Variants in VTI1A observed in about 807,000 individuals in gnomAD.
The protein encoded by VTI1A is vesicle transport through interaction with t-SNAREs homolog 1A.
A neutral mutation model predicts 34.9 loss-of-function variants in VTI1A; 22 were observed. The ratio of observed to expected loss-of-function variants is 0.63; its 90% CI spans 0.45 to 0.90. The LOEUF (loss-of-function observed/expected upper bound fraction) is 0.90. VTI1A is among the 40% of genes least tolerant of loss of function. The probability of loss-of-function intolerance (pLI) is 0.00; values close to 1 mark genes in which losing one functional copy is unlikely to be tolerated. For synonymous variants in VTI1A, 87 were observed against 97.3 expected, an observed-to-expected ratio of 0.89 and a Z score of 0.62; for missense variants, 268 against 275.6, an observed-to-expected ratio of 0.97 and a Z score of 0.20.
chr10:112,611,082 GA>G (rs1845291286), intron 5 of VTI1A, among the ~76,000 whole-genome samples: 1 of 152,194 alleles, frequency 6.6e-6, no homozygotes, highest in Non-Finnish European at 1.5e-5. Flanking sequence ...AAGAAACTTA[GA>G]GCTACTTTTA....
At chr10:112,576,328 C>T (rs1843711218) in intron 5 of VTI1A, among the ~76,000 whole-genome samples, 1 of 152,176 alleles carries the variant, frequency 6.6e-6, no homozygotes, top group Non-Finnish European at 1.5e-5. Flanking sequence ...CCCCCTGCCT[C>T]TTCTAAAAGG....
intron 3 of VTI1A, among the ~76,000 whole-genome samples, chr10:112,478,047 G>A (rs1848335872): frequency 6.6e-6 from 1 of 152,156 alleles, no homozygotes; most frequent in South Asian, 2.1e-4. Flanking sequence ...TTGAATGAAT[G>A]TGGTTCAGTG....
intron 3 of VTI1A, among the ~76,000 whole-genome samples, chr10:112,518,256 A>G (rs1433975793): frequency 1.3e-5 from 2 of 151,966 alleles, no homozygotes; most frequent in Non-Finnish European, 2.9e-5. Context: ...TTTTTCGTGA[A>G]CAATCAGACC....
intron 5 of VTI1A, among the ~76,000 whole-genome samples, chr10:112,648,794 T>G (rs539355377): frequency 6.6e-6 from 1 of 152,292 alleles, no homozygotes; most frequent in Non-Finnish European, 1.5e-5. Flanking sequence ...AGACAGAAGT[T>G]TCATAGGAGA....
At chr10:112,677,047 T>C (rs1186036888) in intron 7 of VTI1A, among the ~76,000 whole-genome samples, 2 of 152,188 alleles carry the variant, frequency 1.3e-5, no homozygotes, top group African/African-American at 4.8e-5. Context: ...CGTGGAATCT[T>C]ACTGATTTGG....
intron 7 of VTI1A, among the ~76,000 whole-genome samples, chr10:112,679,492 C>T (rs953998432): frequency 6.6e-6 from 1 of 151,552 alleles, no homozygotes; most frequent in Admixed American, 6.6e-5. Flanking sequence ...GGAGGTGTCA[C>T]GATTTTTTTT....
chr10:112,588,577 T>A (rs1407026687), intron 5 of VTI1A, among the ~76,000 whole-genome samples: 1 of 152,130 alleles, frequency 6.6e-6, no homozygotes, highest in Non-Finnish European at 1.5e-5. Flanking sequence ...TCTTACAAAG[T>A]GAGAGCAAAA....
At chr10:112,658,992 A>G (rs77789673) in intron 5 of VTI1A, among the ~76,000 whole-genome samples, 9,135 of 152,296 alleles carry the variant, frequency 0.06, 922 homozygotes, top group African/African-American at 0.21. Flanking sequence ...TTAAAATGCT[A>G]TACATTTAGT....
At chr10:112,692,316 A>G (rs1021911225) in intron 7 of VTI1A, among the ~76,000 whole-genome samples, 3 of 152,204 alleles carry the variant, frequency 2.0e-5, no homozygotes, top group Non-Finnish European at 4.4e-5. Context: ...GTCCTAGTAA[A>G]TGTACTTGTT....
chr10:112,799,426 G>C (rs1400542592), intron 7 of VTI1A, among the ~76,000 whole-genome samples: 2 of 152,130 alleles, frequency 1.3e-5, no homozygotes, highest in Non-Finnish European at 2.9e-5. Context: ...ACCATTTCTG[G>C]CTTATCTTGG....
At chr10:112,830,596 A>G in the VTI1A span, among the ~76,000 whole-genome samples, 1 of 150,694 alleles carries the variant, frequency 6.6e-6, no homozygotes, top group Non-Finnish European at 1.5e-5. Flanking sequence ...TTTCGTGTCC[A>G]TCATCCACGT....
chr10:112,827,366 A>G, the VTI1A span: 3 of 148,828 alleles, frequency 2.0e-5, no homozygotes, highest in East Asian at 2.0e-4. Context: ...CTCGGTGGGG[A>G]TGGGAGAAGT....
chr10:112,618,365 T>TCAA, intron 5 of VTI1A, among the ~76,000 whole-genome samples: 1 of 150,540 alleles, frequency 6.6e-6, no homozygotes, highest in East Asian at 2.0e-4. Flanking sequence ...CCCTACCTCA[T>TCAA]CAACATCATC....
At chr10:112,722,153 C>G (rs1003275180) in intron 7 of VTI1A, among the ~76,000 whole-genome samples, 2 of 152,150 alleles carry the variant, frequency 1.3e-5, no homozygotes, top group Non-Finnish European at 2.9e-5. Flanking sequence ...ATTTATCAAC[C>G]TGGATTACTG....
chr10:112,449,161 G>GT (rs1847130214), intron 1 of VTI1A: 1 of 152,166 alleles, frequency 6.6e-6, no homozygotes, highest in African/African-American at 2.4e-5. Context: ...CTTGATTTTT[G>GT]TTATTGTTGG....
At chr10:112,600,702 C>G (rs990275836) in intron 5 of VTI1A, among the ~76,000 whole-genome samples, 2 of 152,146 alleles carry the variant, frequency 1.3e-5, no homozygotes, top group Non-Finnish European at 2.9e-5. Context: ...GATGTCTGGT[C>G]TGTTTTGTCT....
At chr10:112,469,528 A>G (rs1235031763) in intron 3 of VTI1A, among the ~76,000 whole-genome samples, 1 of 152,248 alleles carries the variant, frequency 6.6e-6, no homozygotes, top group Non-Finnish European at 1.5e-5. Flanking sequence ...TAGATAATTT[A>G]CTGGCAAATC....
intron 5 of VTI1A, among the ~76,000 whole-genome samples, chr10:112,583,308 C>T (rs1844022351): frequency 6.6e-6 from 1 of 152,078 alleles, no homozygotes; most frequent in South Asian, 2.1e-4. Context: ...TTTTCATTTT[C>T]TCAGGTCCCT....
At chr10:112,791,169 T>A (rs1421533908) in intron 7 of VTI1A, among the ~76,000 whole-genome samples, 1 of 152,216 alleles carries the variant, frequency 6.6e-6, no homozygotes, top group African/African-American at 2.4e-5. Context: ...TTGGCGGAAC[T>A]GTTGAAGAAA....
Sources: gnomAD v4.1 joint callset for allele counts (sites outside exome capture counted in the v4.1 genomes callset) on GRCh38, gnomAD v4.1.1 for gene constraint, MANE v1.5 for transcripts, NCBI Gene and HGNC (gene_info 2026-07-23, HGNC 2026-07-21) for gene names.